The following NEBL variants were observed in gnomAD, a reference collection of about 807,000 sequenced individuals.
The protein encoded by NEBL is LIM and SH3 protein 2.
Under a neutral mutation model 140.2 loss-of-function variants are expected in NEBL, and 122 were observed. The observed-to-expected ratio is 0.87, with a 90% confidence interval of 0.75 to 1.01. NEBL has a LOEUF of 1.01. Ranked by LOEUF, NEBL falls within the 50% of genes least tolerant of loss-of-function variation. The pLI, the probability that NEBL is intolerant of heterozygous loss-of-function variation, is 0.00. For missense variants in NEBL, 1,365 were observed against 1,231.3 expected (o/e 1.11, Z -1.62); for synonymous variants, 436 against 398.9 (o/e 1.09, Z -1.11).
chr10:21,154,211 C>T (rs962324503), intron 2 of NEBL, among the ~76,000 whole-genome samples: 5 of 151,896 alleles, frequency 3.3e-5, no homozygotes, highest in African/African-American at 1.2e-4. Context: ...GTAACCCCAG[C>T]ACTTTGGAAG....
intron 3 of NEBL, among the ~76,000 whole-genome samples, chr10:21,243,302 T>A (rs1168020359): frequency 9.8e-6 from 1 of 101,608 alleles, no homozygotes; most frequent in East Asian, 2.0e-4. Flanking sequence ...AGCATTCTTT[T>A]TTTTTTTTTT....
At chr10:20,805,622 G>C (rs1837542233) in intron 26 of NEBL, among the ~76,000 whole-genome samples, 1 of 152,086 alleles carries the variant, frequency 6.6e-6, no homozygotes, top group Non-Finnish European at 1.5e-5. Flanking sequence ...GGAGGCGGAG[G>C]CAAGTGGAGC....
chr10:21,033,941 G>A (rs891633733), intron 2 of NEBL, among the ~76,000 whole-genome samples: 6 of 151,716 alleles, frequency 4.0e-5, no homozygotes, highest in Admixed American at 1.3e-4. Context: ...CGAGGCGGGT[G>A]GATTGCTTAA....
intron 21 of NEBL, among the ~76,000 whole-genome samples, chr10:20,816,887 C>G (rs1003768673): frequency 6.6e-6 from 1 of 151,918 alleles, no homozygotes; most frequent in Admixed American, 6.6e-5. Context: ...TAGACTTTGC[C>G]CAAAAATGGA....
chr10:20,978,850 G>C (rs557654360), intron 3 of NEBL, among the ~76,000 whole-genome samples: 13 of 151,958 alleles, frequency 8.6e-5, no homozygotes, highest in African/African-American at 1.7e-4. Flanking sequence ...AGCAAGAGGA[G>C]TATGTCTCCA....
At chr10:20,865,127 T>C (rs898391925) in intron 7 of NEBL, among the ~76,000 whole-genome samples, 2 of 152,172 alleles carry the variant, frequency 1.3e-5, no homozygotes, top group Admixed American at 6.6e-5. Context: ...GGCTCTCAAA[T>C]AGGATTGTGA....
At chr10:21,011,697 C>T (rs1018055225) in intron 3 of NEBL, among the ~76,000 whole-genome samples, 1 of 151,542 alleles carries the variant, frequency 6.6e-6, no homozygotes, top group African/African-American at 2.4e-5. Flanking sequence ...GCATCTGTGG[C>T]TGGTAACCCT....
chr10:20,940,461 T>TA (rs1335563848), intron 4 of NEBL, among the ~76,000 whole-genome samples: 1 of 144,454 alleles, frequency 6.9e-6, no homozygotes, highest in Admixed American at 7.2e-5. Flanking sequence ...TTTATAGCAC[T>TA]AAATGCCCAC....
intron 2 of NEBL, among the ~76,000 whole-genome samples, chr10:21,072,266 C>G (rs1415843423): frequency 2.6e-5 from 4 of 152,146 alleles, no homozygotes; most frequent in Non-Finnish European, 5.9e-5. Flanking sequence ...CCTTCTGCAT[C>G]TGTATACCTC....
intron 1 of NEBL, among the ~76,000 whole-genome samples, chr10:21,276,950 T>C (rs563597768): frequency 2.7e-5 from 4 of 150,820 alleles, no homozygotes; most frequent in Non-Finnish European, 4.4e-5. Flanking sequence ...GCCTGGGTGA[T>C]AGAGTGAGAC....
intron 4 of NEBL, among the ~76,000 whole-genome samples, chr10:20,938,076 G>C (rs533762873): frequency 6.6e-6 from 1 of 152,344 alleles, no homozygotes; most frequent in Non-Finnish European, 1.5e-5. Context: ...CTGTCTGACA[G>C]CTTTGAAGAC....
chr10:21,212,249 TATAC>T (rs1841930275), intron 3 of NEBL, among the ~76,000 whole-genome samples: 1 of 152,056 alleles, frequency 6.6e-6, no homozygotes, highest in Non-Finnish European at 1.5e-5. Flanking sequence ...TTACATATAA[TATAC>T]ATATATAACA....
chr10:21,220,734 A>G (rs554530815), intron 3 of NEBL, among the ~76,000 whole-genome samples: 28 of 152,328 alleles, frequency 1.8e-4, no homozygotes, highest in African/African-American at 6.7e-4. Flanking sequence ...GGAGAAAATA[A>G]TCTGCAAATC....
At chr10:20,918,369 T>A (rs1191642067) in intron 4 of NEBL, among the ~76,000 whole-genome samples, 2 of 151,694 alleles carry the variant, frequency 1.3e-5, no homozygotes, top group African/African-American at 4.8e-5. Flanking sequence ...AAAAAAAGAA[T>A]CCAAGCTCCA....
chr10:20,840,992 T>C (rs576065631), intron 12 of NEBL, 143 bp from the exon 13 acceptor site: 3 of 642,640 alleles, frequency 4.7e-6, no homozygotes, highest in Admixed American at 2.5e-5. Context: ...TTCATGCTTT[T>C]TTCCTACAGA....
chr10:21,197,715 T>C (rs767738894), intron 3 of NEBL, among the ~76,000 whole-genome samples: 1 of 152,194 alleles, frequency 6.6e-6, no homozygotes, highest in Non-Finnish European at 1.5e-5. Flanking sequence ...TACAGCTCCA[T>C]AGATGGCAAC....
At chr10:21,112,265 A>T (rs531127771) in intron 2 of NEBL, among the ~76,000 whole-genome samples, 1 of 152,364 alleles carries the variant, frequency 6.6e-6, no homozygotes, top group African/African-American at 2.4e-5. Flanking sequence ...ATTATAAATC[A>T]TGCTACTACA....
At chr10:20,946,347 T>C (rs1835158491) in intron 4 of NEBL, among the ~76,000 whole-genome samples, 1 of 152,214 alleles carries the variant, frequency 6.6e-6, no homozygotes, top group Admixed American at 6.5e-5. Flanking sequence ...TACTGGTAGT[T>C]AGCAGGATGA....
intron 5 of NEBL, among the ~76,000 whole-genome samples, chr10:20,877,360 G>A (rs1412468502): frequency 6.6e-6 from 1 of 152,186 alleles, no homozygotes; most frequent in African/African-American, 2.4e-5. Flanking sequence ...ACCAATGTCT[G>A]ACTCCAAATT....
Sources: allele counts gnomAD v4.1 joint callset (sites outside exome capture counted in the v4.1 genomes callset), GRCh38; gene constraint gnomAD v4.1.1; transcripts MANE v1.5; gene names NCBI Gene and HGNC (gene_info 2026-07-23, HGNC 2026-07-21).